SRRM2: variants seen among roughly 807,000 people sequenced by gnomAD.
SRRM2 encodes the protein serine/arginine repetitive matrix 2, also known as serine/arginine repetitive matrix protein 2.
SRRM2 carries 30 observed loss-of-function variants against 213.8 expected under a neutral mutation model. The observed-to-expected ratio is 0.14, with a 90% confidence interval of 0.10 to 0.19. The LOEUF (loss-of-function observed/expected upper bound fraction) is 0.19. SRRM2 is among the 10% of genes least tolerant of loss of function. The pLI is 1.00. For missense variants in SRRM2, 4,904 were observed against 3,647.0 expected (o/e 1.34, Z -8.88); for synonymous variants, 2,025 against 1,377.7 (o/e 1.47, Z -10.40).
rs1219388451 is a variant in SRRM2 at position 2,763,627 on chromosome 16, C to T, written c.3099C>T (p.Leu1033=). 2 of 1,614,162 alleles carry T rather than the reference C, an allele frequency of 1.2e-6. No homozygotes were observed. The highest frequency in any genetic ancestry group is 1.1e-5 in the South Asian group (1 of 91,086). Residue 1033 remains leucine, a synonymous_variant, in exon 11 of 15, where the codon CTC becomes CTT. Transcript: ENST00000301740. ...DSLVQSCPGS[L]SLCAGVKSST... is the part of the protein sequence containing the mutation. ...TAGTTCAAAGTTGCCCTGGATCCCT[C>T]TCTCTCTGTGCAGGAGTAAAATCTA...
chr16:2,762,671 T>C lies in SRRM2; in HGVS notation c.2143T>C (p.Ser715Pro). ...CTTAGTTAGACGTGGAAGATCTCAC[T>C]CTAGAACACCTCAAAGAAGAGGCAG... The part of the protein sequence containing the change: ...RSLVRRGRSH[S>P]RTPQRRGRSG... Residue 715 changes from serine to proline, a missense_variant, in exon 11 of 15, where the codon TCT (serine) becomes CCT (proline). Ser to Pro is a moderately conservative substitution (Grantham distance 74). Transcript: ENST00000301740. 1.2e-6 allele frequency: 2 copies of C among 1,614,048 alleles called. No individual in the cohort carries two copies. The highest frequency in any genetic ancestry group is 1.7e-6 in the Non-Finnish European group (2 of 1,179,994).
chr16:2,752,821 T>C lies in SRRM2; in HGVS notation c.-57T>C. 3.3e-6 allele frequency: 1 copy of C among 304,792 alleles called. No homozygotes were observed. Among genetic ancestry groups the C allele is most frequent in the South Asian group, 2.3e-5 (1 of 43,934 alleles). The allele number at this position is 304,792 out of a possible 1,614,324, so 18.9% of individuals were successfully genotyped here. A position where few individuals can be genotyped will look rare whatever the true frequency, so the allele number is the denominator to read the frequency against. On this transcript the variant is annotated 5_prime_UTR_variant, in exon 1 of 15. Transcript: ENST00000301740. The stretch of plus-strand genomic sequence containing the variant: ...GCGGCGGCGGCAAGACCTCTCCCCC[T>C]CGGAGGCGGCGGGCGGAGGCGGCGG...
chr16:2,756,449 C>A lies in SRRM2; in HGVS notation c.85C>A (p.Arg29Ser). 6.2e-7 allele frequency: 1 copy of A among 1,613,118 alleles called. No individual in the cohort carries two copies. The part of the protein sequence containing the change: ...VQRNLSLVRG[R>S]RGERPDYKGE... Reference sequence around the variant, plus strand: ...GCGCAACCTGTCCCTGGTGCGGGGCCGCCGGGGTGAGCGGCCTGACTACAA... The same window carrying A: ...GCGCAACCTGTCCCTGGTGCGGGGCAGCCGGGGTGAGCGGCCTGACTACAA... Residue 29 changes from arginine to serine, a missense_variant, in exon 2 of 15, where the codon CGC (arginine) becomes AGC (serine). Coordinates refer to ENST00000301740, the MANE Select transcript of SRRM2 (RefSeq NM_016333.4).
intron 1 of SRRM2, among the ~76,000 whole-genome samples, chr16:2,756,012 T>C (rs557921861): frequency 6.6e-6 from 1 of 152,286 alleles, no homozygotes; most frequent in African/African-American, 2.4e-5. Context: ...GGAGAGATTT[T>C]AGAGGAACAA....
intron 9 of SRRM2, 43 bp from the exon 10 acceptor site, chr16:2,760,258 G>A (rs200084048): frequency 1.9e-6 from 3 of 1,586,040 alleles, no homozygotes; most frequent in South Asian, 2.3e-5. Context: ...CTCCCTTTGA[G>A]CTGATTTCCT....
intron 10 of SRRM2, 97 bp downstream of exon 10, chr16:2,760,596 A>G (rs2068307377): frequency 4.3e-6 from 6 of 1,392,276 alleles, no homozygotes; most frequent in Non-Finnish European, 5.9e-6. Flanking sequence ...TTATTAAAAT[A>G]AATAAATTCA....
At chr16:2,757,670 C>T (rs2068194458) in intron 3 of SRRM2, 91 bp downstream of exon 3, 1 of 1,578,170 alleles carries the variant, frequency 6.3e-7, no homozygotes, top group Non-Finnish European at 8.6e-7. Context: ...GACTTCCTCC[C>T]TGCTTTCGTC....
At chr16:2,754,849 C>G (rs145946040) in intron 1 of SRRM2, among the ~76,000 whole-genome samples, 2 of 152,268 alleles carry the variant, frequency 1.3e-5, no homozygotes, top group East Asian at 3.9e-4. Context: ...TCCTGGATTT[C>G]TGCTTGCCTT....
At chr16:2,754,307 T>C (rs2068063016) in intron 1 of SRRM2, among the ~76,000 whole-genome samples, 1 of 152,104 alleles carries the variant, frequency 6.6e-6, no homozygotes, top group South Asian at 2.1e-4. Context: ...TTTTTTTTTT[T>C]TTCCGAGACG....
rs1215466160 is a variant in SRRM2 at position 2,756,563 on chromosome 16, G to T, written c.199G>T (p.Glu67Ter). 1 of 1,613,908 alleles carries T rather than the reference G, an allele frequency of 6.2e-7. No homozygotes were observed. Among genetic ancestry groups the T allele is most frequent in the Non-Finnish European group, 8.5e-7 (1 of 1,179,968 alleles). The change falls in exon 2 of 15, where the codon GAG becomes TAG. Residue 67 changes from glutamate (E) to a stop codon, truncating the protein, a stop_gained. Coordinates refer to ENST00000301740, the MANE Select transcript of SRRM2 (RefSeq NM_016333.4). LOFTEE classifies it high-confidence loss of function. ...GGACCACGAGCGCAAGCGGCGCGTC[G>T]AGCTGCGATGCCTCGAGCTGGAGGA... ...ILDHERKRRV[E>*]LRCLELEEMM... is the part of the protein sequence containing the mutation.
At chr16:2,754,081 C>T (rs774851722) in intron 1 of SRRM2, among the ~76,000 whole-genome samples, 1 of 152,170 alleles carries the variant, frequency 6.6e-6, no homozygotes. Flanking sequence ...TGCATATCCA[C>T]TGTCTATGGC....
In SRRM2 at chr16:2,766,274, T is replaced by A; in HGVS notation, c.5746T>A (p.Ser1916Thr). The A allele has an allele frequency of 1.9e-6, 3 of 1,614,058 alleles. 1 individual carries two copies. Among genetic ancestry groups the A allele is most frequent in the Non-Finnish European group, 2.5e-6 (3 of 1,180,014 alleles). The change falls in exon 11 of 15, where the codon TCC becomes ACC. Residue 1916 changes from serine to threonine, a missense_variant. By Grantham distance (58) the Ser-to-Thr change is moderately conservative. Coordinates refer to ENST00000301740, the MANE Select transcript of SRRM2 (RefSeq NM_016333.4). This position sits in a 1 kb window ranked among gnomAD's most constrained non-coding sequence, Gnocchi z 7.0. ...TCGACGAAGATCCCGGTCAAGAGCATCCCCAGTGAGCAGAAGGCGATCCAG... is the reference window on the plus strand; with the variant it reads ...TCGACGAAGATCCCGGTCAAGAGCAACCCCAGTGAGCAGAAGGCGATCCAG... Reference protein sequence around the residue: ...VTRRRSRSRASPVSRRRSRSR... With the variant: ...VTRRRSRSRATPVSRRRSRSR...
At position 2,762,486 on chromosome 16, in the gene SRRM2, C is replaced by G. The variant is rs1469863443; in HGVS notation, c.1958C>G (p.Ala653Gly). 11 of 1,613,438 alleles carry G rather than the reference C, an allele frequency of 6.8e-6. No homozygotes were observed. The highest frequency in any genetic ancestry group is 4.0e-5 in the African/African-American group (3 of 74,762). Residue 653 changes from alanine (A) to glycine (G), a missense_variant, in exon 11 of 15, where the codon GCT (alanine) becomes GGT (glycine). Physicochemically the swap from Ala to Gly is moderately conservative, Grantham distance 60. Transcript: ENST00000301740. ...GGCAGGTCACGCTCTAGAACCCCAG[C>G]TAGACGTGGCCGCTCACGCTCCAGA... is the stretch of plus-strand genomic sequence containing the variant. ...RSGRSRSRTP[A>G]RRGRSRSRTP...
At position 2,765,369 on chromosome 16, in the gene SRRM2, C is replaced by T. The variant is rs771040989; in HGVS notation, c.4841C>T (p.Ala1614Val). 5.0e-6 allele frequency: 8 copies of T among 1,614,206 alleles called. No individual in the cohort carries two copies. Among genetic ancestry groups the T allele is most frequent in the Non-Finnish European group, 6.8e-6 (8 of 1,180,042 alleles). ...GATAAGCCAAGAGCAGCACCCAGGG[C>T]ACAGAGTGGTTCTGATTCCTCTCCT... ...VKDKPRAAPR[A>V]QSGSDSSPEP... Residue 1614 changes from alanine to valine, a missense_variant, in exon 11 of 15, where the codon GCA becomes GTA. Ala to Val is a moderately conservative substitution (Grantham distance 64). Coordinates refer to ENST00000301740, the MANE Select transcript of SRRM2 (RefSeq NM_016333.4).
Position 2,757,766 on chromosome 16 carries a change from C to A in SRRM2, c.351-15C>A. 1.2e-6 allele frequency: 2 copies of A among 1,611,816 alleles called. 1 individual carries two copies. The highest frequency in any genetic ancestry group is 2.2e-5 in the South Asian group (2 of 91,016). ...CTTTATATTTCCTTCAGACTTTTGC[C>A]CTTCTTTTCTCTAGGGTCACGGAGA... On this transcript the variant is annotated splice_polypyrimidine_tract_variant and intron_variant, in intron 3 of 14. Coordinates refer to ENST00000301740, the MANE Select transcript of SRRM2 (RefSeq NM_016333.4).
Position 2,756,339 on chromosome 16 carries a change from G to A in SRRM2, c.-26G>A. On this transcript the variant is annotated 5_prime_UTR_variant, in exon 2 of 15. In the 5' UTR this introduces an upstream ATG that the reference lacks. Transcript: ENST00000301740. ...GTCTCCCCGCTCCCCCTCAGGAGCGGTGGTGCCCCCCCCGGGCACGGGGCC... is the reference window on the plus strand; with the variant it reads ...GTCTCCCCGCTCCCCCTCAGGAGCGATGGTGCCCCCCCCGGGCACGGGGCC... The A allele has an allele frequency of 6.3e-7, 1 of 1,578,276 alleles. No individual in the cohort carries two copies.
chr16:2,768,965 T>G (rs531625664), intron 11 of SRRM2, 32 bp from the exon 12 acceptor site: 4 of 1,608,482 alleles, frequency 2.5e-6, no homozygotes, highest in Non-Finnish European at 3.4e-6. Context: ...TGGGGCAGCT[T>G]GTCTCCTTGT....
chr16:2,769,302 T>C lies in SRRM2; in HGVS notation c.8021+18T>C, dbSNP rs763608399. On this transcript the variant is annotated intron_variant, in intron 12 of 14. Transcript: ENST00000301740. ...GAGCGGAGGTGAGTGCTGTCTTGCCTGAGTTGAAAGGTGGGTGGGGGAGTG... is the reference window on the plus strand; with the variant it reads ...GAGCGGAGGTGAGTGCTGTCTTGCCCGAGTTGAAAGGTGGGTGGGGGAGTG... 15 of 1,539,360 alleles carry C rather than the reference T, an allele frequency of 9.7e-6. No individual in the cohort carries two copies. Among genetic ancestry groups the C allele is most frequent in the Middle Eastern group, 1.8e-4 (1 of 5,682 alleles).
intron 11 of SRRM2, chr16:2,768,712 T>A: frequency 1.4e-6 from 1 of 699,398 alleles, no homozygotes. Context: ...CTACCCAGCT[T>A]CAGCTTCCAC....
Sources: allele counts gnomAD v4.1 joint callset (sites outside exome capture counted in the v4.1 genomes callset), GRCh38; gene constraint gnomAD v4.1.1; non-coding constraint Gnocchi (gnomAD v3.1); transcripts MANE v1.5; gene names NCBI Gene and HGNC (gene_info 2026-07-23, HGNC 2026-07-21).